Variants in ST6GAL1 observed in about 807,000 individuals in gnomAD.
The protein encoded by ST6GAL1 is ST6 beta-galactoside alpha-2,6-sialyltransferase 1, also known as beta-galactoside alpha-2,6-sialyltransferase 1.
Under a neutral mutation model 38.0 loss-of-function variants are expected in ST6GAL1, and 20 were observed. The observed-to-expected ratio is 0.53, with a 90% CI of 0.37 to 0.77. The LOEUF (loss-of-function observed/expected upper bound fraction) is 0.77. Among genes scored for constraint, ST6GAL1 ranks in the 30% least tolerant of loss-of-function variants. The probability of loss-of-function intolerance (pLI) is 0.00; values close to 1 mark genes in which losing one functional copy is unlikely to be tolerated. For missense variants in ST6GAL1, 432 were observed against 496.4 expected (o/e 0.87, Z 1.23); for synonymous variants, 196 against 188.2 (o/e 1.04, Z -0.34).
At chr3:187,074,083 T>G in intron 6 of ST6GAL1, 76 bp from the exon 7 acceptor site, 2 of 1,347,848 alleles carry the variant, frequency 1.5e-6, no homozygotes, top group South Asian at 3.2e-5. Context: ...CCATGTCCAC[T>G]GATGAAGATG....
At chr3:186,954,584 T>G (rs1714685904) in intron 1 of ST6GAL1, among the ~76,000 whole-genome samples, 1 of 152,220 alleles carries the variant, frequency 6.6e-6, no homozygotes, top group African/African-American at 2.4e-5. Context: ...TGATGCATGG[T>G]GTTGAGCATT....
intron 1 of ST6GAL1, among the ~76,000 whole-genome samples, chr3:186,934,697 A>C (rs1713878696): frequency 6.6e-6 from 1 of 152,164 alleles, no homozygotes; most frequent in South Asian, 2.1e-4. Context: ...CATTCTTATG[A>C]CTGGTCAGAC....
intron 5 of ST6GAL1, among the ~76,000 whole-genome samples, chr3:187,052,312 T>G (rs1441993073): frequency 6.6e-6 from 1 of 152,190 alleles, no homozygotes; most frequent in Non-Finnish European, 1.5e-5. Context: ...TTTTTTAAAA[T>G]TATACTTTAA....
At chr3:187,050,599 A>G (rs545691432) in intron 4 of ST6GAL1, among the ~76,000 whole-genome samples, 18 of 151,678 alleles carry the variant, frequency 1.2e-4, no homozygotes, top group African/African-American at 4.4e-4. Flanking sequence ...GGAAGGAAGG[A>G]AAAGAAGGAA....
intron 1 of ST6GAL1, chr3:186,949,047 G>A (rs984001776): frequency 3.9e-5 from 6 of 152,208 alleles, no homozygotes; most frequent in Admixed American, 6.5e-5. Context: ...AAGCCCGTGA[G>A]GCTGTAGTGG....
chr3:187,060,111 A>G (rs1718857919), intron 5 of ST6GAL1, among the ~76,000 whole-genome samples: 2 of 152,126 alleles, frequency 1.3e-5, no homozygotes, highest in South Asian at 4.1e-4. Flanking sequence ...ATGTGGTGAG[A>G]GACAAGGCTG....
chr3:187,072,720 C>G (rs1320824423), intron 5 of ST6GAL1, 129 bp from the exon 6 acceptor site: 1 of 800,362 alleles, frequency 1.2e-6, no homozygotes, highest in Admixed American at 1.7e-5. Flanking sequence ...TTAAGTGCTG[C>G]ACCAGAACTT....
intron 2 of ST6GAL1, among the ~76,000 whole-genome samples, chr3:187,012,842 G>A (rs1717001394): frequency 2.0e-5 from 3 of 152,226 alleles, no homozygotes; most frequent in Admixed American, 2.0e-4. Flanking sequence ...AGTTTGGCCT[G>A]TTTTCCAAAT....
chr3:186,967,253 G>A (rs982573228), intron 2 of ST6GAL1, among the ~76,000 whole-genome samples: 6 of 152,084 alleles, frequency 3.9e-5, no homozygotes, highest in South Asian at 2.1e-4. Context: ...GTGCGGTGGC[G>A]CAATCTCAGC....
chr3:187,045,053 G>T (rs1446413076), intron 4 of ST6GAL1, among the ~76,000 whole-genome samples: 1 of 152,166 alleles, frequency 6.6e-6, no homozygotes, highest in African/African-American at 2.4e-5. Context: ...AAGGCCCTTT[G>T]TTGAAGCCCG....
At chr3:186,950,762 G>C (rs182214060) in intron 1 of ST6GAL1, among the ~76,000 whole-genome samples, 1 of 152,302 alleles carries the variant, frequency 6.6e-6, no homozygotes, top group East Asian at 1.9e-4. Context: ...TACATTTGTG[G>C]TTTTAGTTAT....
chr3:186,945,454 C>A (rs928866878), intron 1 of ST6GAL1, among the ~76,000 whole-genome samples: 2 of 152,140 alleles, frequency 1.3e-5, no homozygotes, highest in Non-Finnish European at 2.9e-5. Flanking sequence ...ACTGAAGAGG[C>A]CTTCTCAGGA....
intron 2 of ST6GAL1, chr3:186,986,449 C>T (rs937014131): frequency 6.5e-6 from 1 of 153,054 alleles, no homozygotes; most frequent in Non-Finnish European, 1.5e-5. Context: ...TCAACAACAG[C>T]AACAATGACC....
At chr3:187,066,676 C>T (rs1052580211) in intron 5 of ST6GAL1, among the ~76,000 whole-genome samples, 3 of 151,640 alleles carry the variant, frequency 2.0e-5, no homozygotes, top group Non-Finnish European at 4.4e-5. Flanking sequence ...GTATTTGTTA[C>T]TTTCTAACTG....
intron 5 of ST6GAL1, among the ~76,000 whole-genome samples, chr3:187,058,225 G>A (rs1718785130): frequency 6.6e-6 from 1 of 152,182 alleles, no homozygotes; most frequent in Non-Finnish European, 1.5e-5. Context: ...CTAGGAAAGG[G>A]AAGTCCCCTG....
At chr3:187,056,397 T>C (rs4586798) in intron 5 of ST6GAL1, among the ~76,000 whole-genome samples, 15,173 of 152,202 alleles carry the variant, frequency 0.1, 2,537 homozygotes, top group African/African-American at 0.34. Flanking sequence ...TTCCTAGCAT[T>C]GATGGTTTTT....
At chr3:187,037,049 TTGAATTATTTA>T (rs1316997452) in intron 2 of ST6GAL1, among the ~76,000 whole-genome samples, 3 of 152,236 alleles carry the variant, frequency 2.0e-5, no homozygotes, top group Admixed American at 6.5e-5. Flanking sequence ...ATGTAATCTT[TTGAATTATTTA>T]TGAATTATTT....
At chr3:186,979,924 G>C (rs1029807368) in intron 2 of ST6GAL1, among the ~76,000 whole-genome samples, 2 of 152,174 alleles carry the variant, frequency 1.3e-5, no homozygotes, top group Non-Finnish European at 2.9e-5. Context: ...TGATACTGTT[G>C]AGAGCTTACT....
intron 2 of ST6GAL1, chr3:186,964,245 T>G (rs1371997748): frequency 6.6e-6 from 1 of 152,110 alleles, no homozygotes; most frequent in Non-Finnish European, 1.5e-5. Context: ...TAAGTATACC[T>G]CCTCTGCTCT....
Sources: allele counts gnomAD v4.1 joint callset (sites outside exome capture counted in the v4.1 genomes callset), GRCh38; gene constraint gnomAD v4.1.1; transcripts MANE v1.5; gene names NCBI Gene and HGNC (gene_info 2026-07-23, HGNC 2026-07-21).